AMPH: variants seen among roughly 807,000 people sequenced by gnomAD.
The protein encoded by AMPH is amphiphysin (Stiff-Mann syndrome with breast cancer 128kD autoantigen).
AMPH carries 49 observed loss-of-function variants against 99.1 expected under a neutral mutation model. The observed-to-expected ratio is 0.49, with a 90% CI of 0.39 to 0.63. The LOEUF (loss-of-function observed/expected upper bound fraction) is 0.63, where lower values mean the gene tolerates loss of function less well. AMPH is among the 20% of genes least tolerant of loss of function. The pLI, the probability that AMPH is intolerant of heterozygous loss-of-function variation, is 0.00. For synonymous variants in AMPH, 314 were observed against 317.3 expected (o/e 0.99, Z 0.11); for missense variants, 759 against 863.4 (o/e 0.88, Z 1.52).
intron 7 of AMPH, among the ~76,000 whole-genome samples, chr7:38,473,056 T>C (rs896228778): frequency 1.3e-5 from 2 of 152,168 alleles, no homozygotes; most frequent in Non-Finnish European, 2.9e-5. Context: ...ATAATAAATA[T>C]CTGTCTCTTG....
chr7:38,545,652 G>A (rs889808564), intron 1 of AMPH, among the ~76,000 whole-genome samples: 1 of 152,094 alleles, frequency 6.6e-6, no homozygotes, highest in Non-Finnish European at 1.5e-5. Context: ...TAGGCTACAC[G>A]GTACTTACGT....
At chr7:38,482,367 T>C (rs954441403) in intron 5 of AMPH, among the ~76,000 whole-genome samples, 4 of 152,160 alleles carry the variant, frequency 2.6e-5, no homozygotes, top group Admixed American at 2.6e-4. Flanking sequence ...AACTGCAGGA[T>C]CATCTTTGTA....
At chr7:38,628,130 AC>A (rs144295725) in intron 1 of AMPH, among the ~76,000 whole-genome samples, 5,615 of 152,352 alleles carry the variant, frequency 0.037, 169 homozygotes, top group Admixed American at 0.079. Flanking sequence ...CAGAATTGCT[AC>A]AGAAAACGGG....
intron 11 of AMPH, 124 bp downstream of exon 11, chr7:38,461,159 G>A: frequency 3.5e-6 from 4 of 1,131,060 alleles, no homozygotes; most frequent in Non-Finnish European, 5.1e-6. Flanking sequence ...ATTAAAACAA[G>A]CCTGAATGAC....
At chr7:38,616,202 AAC>A (rs1316153573) in intron 1 of AMPH, among the ~76,000 whole-genome samples, 2 of 152,106 alleles carry the variant, frequency 1.3e-5, no homozygotes, top group Non-Finnish European at 2.9e-5. Flanking sequence ...ACCTGATTCA[AAC>A]ACAAAATGTG....
At chr7:38,559,211 C>T (rs1287540325) in intron 1 of AMPH, among the ~76,000 whole-genome samples, 1 of 152,242 alleles carries the variant, frequency 6.6e-6, no homozygotes, top group Non-Finnish European at 1.5e-5. Context: ...CTACTGAAAT[C>T]ACAACCAGTT....
intron 17 of AMPH, among the ~76,000 whole-genome samples, chr7:38,415,351 A>G (rs1785342885): frequency 6.6e-6 from 1 of 152,216 alleles, no homozygotes; most frequent in Non-Finnish European, 1.5e-5. Context: ...ACATTTCAGT[A>G]GTGAAAGGGA....
At chr7:38,592,866 T>A (rs1792911403) in intron 1 of AMPH, among the ~76,000 whole-genome samples, 1 of 152,140 alleles carries the variant, frequency 6.6e-6, no homozygotes, top group South Asian at 2.1e-4. Context: ...CACAGCTGAA[T>A]AAATAGGAGC....
intron 17 of AMPH, among the ~76,000 whole-genome samples, chr7:38,407,917 T>G (rs981252775): frequency 6.6e-6 from 1 of 152,192 alleles, no homozygotes; most frequent in Non-Finnish European, 1.5e-5. Context: ...TTTTGATATA[T>G]GCACATTCTG....
chr7:38,431,517 G>A (rs1007045087), intron 13 of AMPH, among the ~76,000 whole-genome samples: 13 of 152,054 alleles, frequency 8.5e-5, no homozygotes, highest in East Asian at 5.8e-4. Flanking sequence ...TTAGTTGGGC[G>A]CGGTGGCGGG....
Position 38,473,710 on chromosome 7 carries a change from CAAAAAAAAAAAAAAAAAAAAA to C in AMPH, c.590+1600_590+1620del, listed in dbSNP as rs70977409. 2.4e-3 allele frequency among the ~76,000 whole-genome samples: 9 copies of C among 3,782 alleles called. 1 individual carries two copies. Among genetic ancestry groups the C allele is most frequent in the South Asian group, 0.033 (1 of 30 alleles). 2.5% of individuals were successfully genotyped at this position (3,782 alleles called of 152,430 possible). A position where few individuals can be genotyped will look rare whatever the true frequency, so the allele number is the denominator to read the frequency against. Reference sequence around the variant, plus strand: ...TGGGCGACAGAGCGAGACTCCGTCTCAAAAAAAAAAAAAAAAAAAAAAAAAAAAAAAAAAAAAGTATTCCAT... The same window carrying C: ...TGGGCGACAGAGCGAGACTCCGTCTCAAAAAAAAAAAAAAAAGTATTCCAT... On this transcript the variant is annotated intron_variant, in intron 7 of 20. Transcript: ENST00000356264.
chr7:38,615,724 G>C (rs1793850592), intron 1 of AMPH, among the ~76,000 whole-genome samples: 2 of 152,128 alleles, frequency 1.3e-5, no homozygotes, highest in African/African-American at 4.8e-5. Flanking sequence ...GTTACATCCT[G>C]TAGCTGCACA....
At chr7:38,385,060 C>A in intron 20 of AMPH, 135 bp from the exon 21 acceptor site, 2 of 717,250 alleles carry the variant, frequency 2.8e-6, no homozygotes, top group South Asian at 2.0e-5. Flanking sequence ...AAGTGCTGTG[C>A]CGTGATCAAT....
chr7:38,512,350 C>T (rs768037681), intron 2 of AMPH, among the ~76,000 whole-genome samples: 1 of 152,152 alleles, frequency 6.6e-6, no homozygotes, highest in African/African-American at 2.4e-5. Context: ...AAACCATTTC[C>T]GATAGTCTCC....
chr7:38,436,578 C>A (rs757804670), intron 11 of AMPH, among the ~76,000 whole-genome samples, 190 bp from the exon 12 acceptor site: 1 of 152,188 alleles, frequency 6.6e-6, no homozygotes, highest in Non-Finnish European at 1.5e-5. Flanking sequence ...AAATAACTAA[C>A]TCTGGCCAAG....
intron 1 of AMPH, among the ~76,000 whole-genome samples, chr7:38,604,948 C>T (rs1434005808): frequency 1.3e-5 from 2 of 152,098 alleles, no homozygotes. Flanking sequence ...TCCCTCCATC[C>T]TTCATAAAAA....
intron 1 of AMPH, among the ~76,000 whole-genome samples, chr7:38,553,470 T>C (rs180918153): frequency 2.0e-5 from 3 of 152,326 alleles, no homozygotes; most frequent in East Asian, 3.9e-4. Flanking sequence ...CATGCAAATA[T>C]ACATAGTCAC....
chr7:38,512,695 T>C (rs1014672767), intron 2 of AMPH, among the ~76,000 whole-genome samples: 1 of 152,208 alleles, frequency 6.6e-6, no homozygotes, highest in Non-Finnish European at 1.5e-5. Context: ...TCATAGGAAA[T>C]GGCACAGTAA....
chr7:38,610,700 T>G (rs1037032564), intron 1 of AMPH, among the ~76,000 whole-genome samples: 10 of 152,258 alleles, frequency 6.6e-5, no homozygotes, highest in African/African-American at 2.4e-4. Context: ...AAATAACAAG[T>G]AATTGGAAGA....
Sources: gnomAD v4.1 joint callset for allele counts (sites outside exome capture counted in the v4.1 genomes callset) on GRCh38, gnomAD v4.1.1 for gene constraint, MANE v1.5 for transcripts, NCBI Gene and HGNC (gene_info 2026-07-23, HGNC 2026-07-21) for gene names.